Variants in RSRC1 observed in about 807,000 individuals in gnomAD.
RSRC1 encodes the protein arginine and serine rich coiled-coil 1.
RSRC1 carries 39 observed loss-of-function variants against 49.1 expected under a neutral mutation model. That is an observed-to-expected ratio of 0.79 (90% CI 0.61 to 1.04). The LOEUF is 1.04. Ranked by LOEUF, RSRC1 falls within the 50% of genes least tolerant of loss-of-function variation. RSRC1 has a pLI of 0.00. For missense variants in RSRC1, 388 were observed against 402.4 expected (o/e 0.96, Z 0.31); for synonymous variants, 143 against 130.8 (o/e 1.09, Z -0.63).
Position 158,545,181 on chromosome 3 carries a change from C to T in RSRC1, c.*906C>T, listed in dbSNP as rs1713266957. On this transcript the variant is annotated 3_prime_UTR_variant, in exon 10 of 10. Transcript: ENST00000611884. ...TTTAACAGCTGACATGAATATTTCC[C>T]GTTTCTATTTTCTTTTTTTTTTTTT... The T allele has an allele frequency of 1.5e-5, 2 of 136,460 alleles. No homozygotes were observed. Among genetic ancestry groups the T allele is most frequent in the South Asian group, 2.5e-4 (1 of 3,980 alleles). 8.5% of individuals were successfully genotyped at this position (136,460 alleles called of 1,614,324 possible).
intron 6 of RSRC1, among the ~76,000 whole-genome samples, chr3:158,432,717 A>G (rs144147423): frequency 1.9e-3 from 285 of 152,068 alleles, no homozygotes; most frequent in African/African-American, 5.8e-3. Flanking sequence ...TATCCATGAA[A>G]TATAAACTAG....
intron 4 of RSRC1, among the ~76,000 whole-genome samples, chr3:158,226,064 A>G (rs1328547552): frequency 6.6e-6 from 1 of 151,838 alleles, no homozygotes; most frequent in Non-Finnish European, 1.5e-5. Flanking sequence ...GAGGGTCCCC[A>G]TTGCGCTAGG....
intron 4 of RSRC1, among the ~76,000 whole-genome samples, chr3:158,261,381 A>C (rs765501076): frequency 6.6e-6 from 1 of 152,268 alleles, no homozygotes; most frequent in East Asian, 1.9e-4. Context: ...ACATGTTTCC[A>C]TCTTCTTATT....
intron 5 of RSRC1, among the ~76,000 whole-genome samples, chr3:158,321,267 T>TTCTTCC (rs1422754217): frequency 1.1e-3 from 133 of 119,476 alleles, no homozygotes; most frequent in African/African-American, 3.7e-3. Flanking sequence ...CTTCTTTTTC[T>TTCTTCC]TCTTCCTCTT....
chr3:158,374,778 G>T (rs1050202109), intron 6 of RSRC1, among the ~76,000 whole-genome samples: 3 of 135,594 alleles, frequency 2.2e-5, no homozygotes, highest in Non-Finnish European at 3.2e-5. Context: ...TTAAAATAAG[G>T]AATTTTGAAT....
rs148850838 is a variant in RSRC1 at position 158,405,615 on chromosome 3, A to G, written c.583+50707A>G. 2.6e-3 allele frequency among the ~76,000 whole-genome samples: 390 copies of G among 152,242 alleles called. 4 individuals carry two copies. Among genetic ancestry groups the G allele is most frequent in the Non-Finnish European group, 6.5e-4 (44 of 67,982 alleles). On this transcript the variant is annotated intron_variant, in intron 6 of 9. Coordinates refer to ENST00000611884, the MANE Select transcript of RSRC1 (RefSeq NM_001271838.2). ...TCATGGGTAAGGCTTTTACATGGAA[A>G]CAAAGTAGCAGATTGAAGTGGTTTC...
Position 158,136,286 on chromosome 3 carries a change from A to G in RSRC1, c.320+12295A>G, listed in dbSNP as rs368385692. On this transcript the variant is annotated intron_variant, in intron 3 of 9. Transcript: ENST00000611884. ...ATTATTTAAATTATTTTAAAATATC[A>G]TTTTTAAGTTTTTTAAAAAACTAAT... Among the ~76,000 whole-genome samples, 39 of 152,292 alleles carry G rather than the reference A, an allele frequency of 2.6e-4. No homozygotes were observed. In the East Asian group the frequency reaches 5.8e-3, roughly 23 times the overall value.
At chr3:158,345,530 C>A (rs1730503664) in intron 5 of RSRC1, among the ~76,000 whole-genome samples, 1 of 151,952 alleles carries the variant, frequency 6.6e-6, no homozygotes. Context: ...TGCATCCTCC[C>A]AGCAGGCCTT....
chr3:158,513,620 G>T (rs1015940087), intron 7 of RSRC1, among the ~76,000 whole-genome samples: 97 of 152,280 alleles, frequency 6.4e-4, no homozygotes, highest in African/African-American at 2.3e-3. Context: ...TCAGGATGAT[G>T]CTGGCCTCAT....
At chr3:158,499,248 G>A (rs1421176166) in intron 7 of RSRC1, among the ~76,000 whole-genome samples, 3 of 152,026 alleles carry the variant, frequency 2.0e-5, no homozygotes, top group East Asian at 1.9e-4. Context: ...GTGGTGGCAC[G>A]CGCCTGTAAT....
intron 6 of RSRC1, among the ~76,000 whole-genome samples, chr3:158,390,601 C>G (rs756506002): frequency 2.6e-5 from 4 of 152,018 alleles, no homozygotes; most frequent in African/African-American, 9.7e-5. Context: ...CATAGAATTT[C>G]TCTTATTTTA....
chr3:158,467,119 C>T (rs541624718), intron 7 of RSRC1, among the ~76,000 whole-genome samples: 1 of 152,272 alleles, frequency 6.6e-6, no homozygotes, highest in Admixed American at 6.5e-5. Flanking sequence ...AGAATTGCAA[C>T]ACAAAAGAGT....
rs1227872975 is a variant in RSRC1, at chr3:158,228,508, A to G, written c.494+25263A>G. ...CTTATATTCTGAAACTAATGGGGGG[A>G]AACCCTCTTTTTAGATCCCATATCA... On this transcript the variant is annotated intron_variant, in intron 4 of 9. Transcript: ENST00000611884. Among the ~76,000 whole-genome samples, 3 of 151,882 alleles carry G rather than the reference A, an allele frequency of 2.0e-5. No homozygotes were observed. In the Admixed American group the frequency reaches 2.0e-4, roughly 10 times the overall value.
rs1738758647 is a variant in RSRC1, at chr3:158,484,901, A to G, written c.652+23898A>G. Among the ~76,000 whole-genome samples, 3 of 152,100 alleles carry G rather than the reference A, an allele frequency of 2.0e-5. No homozygotes were observed. The South Asian group carries it at 6.2e-4, about 31-fold the overall frequency. ...GCTTTTCCAGTTATAGCAGGAAAATATGTTTGCTAGAACATAAAATATAAG... is the reference window on the plus strand; with the variant it reads ...GCTTTTCCAGTTATAGCAGGAAAATGTGTTTGCTAGAACATAAAATATAAG... On this transcript the variant is annotated intron_variant, in intron 7 of 9. Coordinates refer to ENST00000611884, the MANE Select transcript of RSRC1 (RefSeq NM_001271838.2).
At chr3:158,416,013 AT>A (rs982529122) in intron 6 of RSRC1, among the ~76,000 whole-genome samples, 2 of 151,906 alleles carry the variant, frequency 1.3e-5, no homozygotes, top group African/African-American at 4.8e-5. Context: ...ATGTGGCTAC[AT>A]TTTTTATTCT....
chr3:158,159,453 C>G (rs780097218), intron 3 of RSRC1, among the ~76,000 whole-genome samples: 2 of 152,246 alleles, frequency 1.3e-5, no homozygotes, highest in East Asian at 3.9e-4. Context: ...CTTTCACATG[C>G]ATTTTTTGTT....
chr3:158,310,109 A>G (rs1429384269), intron 5 of RSRC1, among the ~76,000 whole-genome samples: 3 of 151,610 alleles, frequency 2.0e-5, no homozygotes, highest in South Asian at 2.1e-4. Flanking sequence ...AGTAGGTAAG[A>G]TATGCTTATA....
At chr3:158,407,506 C>T (rs747802813) in intron 6 of RSRC1, among the ~76,000 whole-genome samples, 1 of 152,142 alleles carries the variant, frequency 6.6e-6, no homozygotes, top group Non-Finnish European at 1.5e-5. Flanking sequence ...GAACCTACCA[C>T]TAAATAAAAA....
intron 4 of RSRC1, among the ~76,000 whole-genome samples, chr3:158,216,760 A>G (rs904883171): frequency 1.3e-5 from 2 of 151,746 alleles, no homozygotes; most frequent in African/African-American, 4.8e-5. Context: ...GAGCGTCCAG[A>G]GGTGAATTTG....
Sources: allele counts gnomAD v4.1 joint callset (sites outside exome capture counted in the v4.1 genomes callset), GRCh38; gene constraint gnomAD v4.1.1; transcripts MANE v1.5; gene names NCBI Gene and HGNC (gene_info 2026-07-23, HGNC 2026-07-21).